Variants in LRCH1 observed in about 807,000 individuals in gnomAD.
LRCH1 encodes the protein leucine rich repeats and calponin homology domain containing 1.
A neutral mutation model predicts 94.9 loss-of-function variants in LRCH1; 23 were observed. That is an observed-to-expected ratio of 0.24 (90% confidence interval 0.17 to 0.34). The LOEUF is 0.34. Ranked by LOEUF, LRCH1 falls within the 10% of genes least tolerant of loss-of-function variation. LRCH1 has a pLI of 1.00. For synonymous variants in LRCH1, 364 were observed against 354.9 expected, an observed-to-expected ratio of 1.03 and a Z score of -0.29; for missense variants, 790 against 945.9, an observed-to-expected ratio of 0.84 and a Z score of 2.16.
intron 4 of LRCH1, among the ~76,000 whole-genome samples, chr13:46,684,775 G>A (rs1035506549): frequency 6.6e-6 from 1 of 152,086 alleles, no homozygotes; most frequent in Non-Finnish European, 1.5e-5. Flanking sequence ...AGACAAGCTG[G>A]GTTGAGCAAT....
chr13:46,607,578 CTTCTCCTTCTCCTTT>C lies in LRCH1; in HGVS notation c.308-42608_308-42594del, dbSNP rs944440528. On this transcript the variant is annotated intron_variant, in intron 1 of 19. Transcript: ENST00000389797. ...CTTCTTGCCCTCATGATTCATTGTTCTTCTCCTTCTCCTTTTTCTCCTTCTCCTTCTCCTTCTCTT... is the reference window on the plus strand; with the variant it reads ...CTTCTTGCCCTCATGATTCATTGTTCTTCTCCTTCTCCTTCTCCTTCTCTT... 9.2e-5 allele frequency among the ~76,000 whole-genome samples: 14 copies of C among 151,840 alleles called. No individual in the cohort carries two copies. In the South Asian group the frequency reaches 1.3e-3, roughly 14 times the overall value.
chr13:46,692,507 G>C (rs1345187040), intron 7 of LRCH1, 29 bp from the exon 8 acceptor site: 8 of 1,473,398 alleles, frequency 5.4e-6, no homozygotes, highest in Non-Finnish European at 7.6e-6. Context: ...CACTTCTCTT[G>C]AGTTAAACAG....
At chr13:46,609,941 G>C (rs1023567488) in intron 1 of LRCH1, among the ~76,000 whole-genome samples, 11 of 152,218 alleles carry the variant, frequency 7.2e-5, no homozygotes, top group Admixed American at 2.6e-4. Flanking sequence ...TAGAAGGAAG[G>C]CATGTGAATA....
intron 9 of LRCH1, among the ~76,000 whole-genome samples, chr13:46,695,391 G>A (rs965784191): frequency 6.6e-6 from 1 of 152,208 alleles, no homozygotes; most frequent in Non-Finnish European, 1.5e-5. Flanking sequence ...GAAGACAAAA[G>A]TGGAGACTTT....
intron 3 of LRCH1, among the ~76,000 whole-genome samples, chr13:46,669,775 A>G (rs9526216): frequency 0.63 from 96,072 of 152,034 alleles, 30,871 homozygotes; most frequent in Middle Eastern, 0.72. Context: ...AAGAATGAAT[A>G]CTTTCTAAAC....
At position 46,560,320 on chromosome 13, in the gene LRCH1, T is replaced by G. The variant is rs565812522; in HGVS notation, c.307+6617T>G. The stretch of plus-strand genomic sequence containing the variant: ...TTATGGGTTTGTCACTCAGGCCATG[T>G]GTAACTTGAATTTTTGTCTAAGCCT... On this transcript the variant is annotated intron_variant, in intron 1 of 19. Transcript: ENST00000389797. 3.8e-3 allele frequency among the ~76,000 whole-genome samples: 575 copies of G among 152,190 alleles called. 4 individuals carry two copies. Among genetic ancestry groups the G allele is most frequent in the South Asian group, 0.025 (119 of 4,822 alleles).
At chr13:46,678,829 C>T (rs912952043) in intron 3 of LRCH1, among the ~76,000 whole-genome samples, 1 of 152,102 alleles carries the variant, frequency 6.6e-6, no homozygotes, top group African/African-American at 2.4e-5. Context: ...TCAACCATGA[C>T]CAGCAAAGAG....
chr13:46,750,699 C>T, exon 19 of LRCH1: 1 of 1,323,690 alleles, frequency 7.6e-7, no homozygotes, highest in Non-Finnish European at 1.1e-6. Flanking sequence ...CATCCAGGAT[C>T]CTGAACTCTG....
intron 1 of LRCH1, among the ~76,000 whole-genome samples, chr13:46,580,845 C>T (rs993782029): frequency 5.9e-5 from 9 of 152,238 alleles, no homozygotes; most frequent in African/African-American, 2.2e-4. Context: ...GTACAAATTA[C>T]ACAATTTTCA....
intron 1 of LRCH1, among the ~76,000 whole-genome samples, chr13:46,589,135 C>T (rs896397361): frequency 1.3e-5 from 2 of 152,096 alleles, no homozygotes; most frequent in African/African-American, 2.4e-5. Context: ...CTTCTGGGCT[C>T]AACTAATCCT....
chr13:46,643,729 C>G (rs903483361), intron 1 of LRCH1, among the ~76,000 whole-genome samples: 6 of 152,070 alleles, frequency 3.9e-5, no homozygotes, highest in Admixed American at 3.3e-4. Context: ...CTTCTGTTAA[C>G]AAAGTTGAGG....
intron 1 of LRCH1, among the ~76,000 whole-genome samples, chr13:46,631,695 T>G (rs1378082451): frequency 1.3e-5 from 2 of 152,218 alleles, no homozygotes; most frequent in Non-Finnish European, 2.9e-5. Context: ...TTTTTAAATA[T>G]AATTTTTAGT....
Position 46,715,663 on chromosome 13 carries a change from T to C in LRCH1, c.1758T>C (p.Asn586=), listed in dbSNP as rs1403703274. ...YSVPSEGDSD[N]VFLRPQRNLE... Reference sequence around the variant, plus strand: ...TTCCATCTGAAGGAGACAGTGACAATGGTAGGTGGCTTTGTACCTATTCTC... The same window carrying C: ...TTCCATCTGAAGGAGACAGTGACAACGGTAGGTGGCTTTGTACCTATTCTC... The change falls in exon 16 of 20, where the codon AAT becomes AAC. Residue 586 remains asparagine, a splice_region_variant and synonymous_variant. Transcript: ENST00000389797. 2 of 1,526,628 alleles carry C rather than the reference T, an allele frequency of 1.3e-6. No homozygotes were observed. Among genetic ancestry groups the C allele is most frequent in the African/African-American group, 1.4e-5 (1 of 72,890 alleles). 94.6% of individuals were successfully genotyped at this position (1,526,628 alleles called of 1,614,324 possible).
intron 1 of LRCH1, among the ~76,000 whole-genome samples, chr13:46,560,980 C>T (rs1039313292): frequency 3.3e-5 from 5 of 152,182 alleles, no homozygotes; most frequent in Non-Finnish European, 7.4e-5. Context: ...TGGGGCTTCC[C>T]TTGCTTACTC....
chr13:46,746,304 G>A (rs1369695365), downstream of LRCH1, among the ~76,000 whole-genome samples: 1 of 152,168 alleles, frequency 6.6e-6, no homozygotes, highest in Non-Finnish European at 1.5e-5. Flanking sequence ...CAGGCACATA[G>A]GAGGTAGCCC....
chr13:46,618,040 G>A (rs139998444), intron 1 of LRCH1, among the ~76,000 whole-genome samples: 9 of 152,196 alleles, frequency 5.9e-5, no homozygotes, highest in Admixed American at 3.3e-4. Context: ...ATCACTTAAC[G>A]ACAGGGACAC....
At chr13:46,564,812 G>A (rs1267138220) in intron 1 of LRCH1, among the ~76,000 whole-genome samples, 1 of 152,220 alleles carries the variant, frequency 6.6e-6, no homozygotes, top group Non-Finnish European at 1.5e-5. Flanking sequence ...CCCTTGGGTG[G>A]TTGTATAGAT....
chr13:46,655,295 A>G (rs1353540375), intron 2 of LRCH1, among the ~76,000 whole-genome samples: 1 of 152,256 alleles, frequency 6.6e-6, no homozygotes, highest in African/African-American at 2.4e-5. Context: ...TAATTAGCAC[A>G]TGAAAAAAAT....
At chr13:46,676,696 C>T (rs1176801139) in intron 3 of LRCH1, among the ~76,000 whole-genome samples, 1 of 152,162 alleles carries the variant, frequency 6.6e-6, no homozygotes, top group East Asian at 1.9e-4. Context: ...CAAATACTAC[C>T]TGCAGTTCCA....
Sources: allele counts gnomAD v4.1 joint callset (sites outside exome capture counted in the v4.1 genomes callset), GRCh38; gene constraint gnomAD v4.1.1; transcripts MANE v1.5; gene names NCBI Gene and HGNC (gene_info 2026-07-23, HGNC 2026-07-21).